TRABD2B: variants seen among roughly 807,000 people sequenced by gnomAD.
TRABD2B encodes TraB domain containing 2B, also known as metalloprotease TIKI2.
Under a neutral mutation model 40.1 loss-of-function variants are expected in TRABD2B, and 14 were observed. That is an observed-to-expected ratio of 0.35 (90% CI 0.23 to 0.55). The LOEUF is 0.55. Ranked by LOEUF, TRABD2B falls within the 20% of genes least tolerant of loss-of-function variation. TRABD2B has a pLI of 0.90. For missense variants in TRABD2B, 541 were observed against 648.6 expected (o/e 0.83, Z 1.80); for synonymous variants, 263 against 277.0 (o/e 0.95, Z 0.50).
At chr1:47,944,946 A>C (rs1305544283) in intron 2 of TRABD2B, among the ~76,000 whole-genome samples, 1 of 152,144 alleles carries the variant, frequency 6.6e-6, no homozygotes, top group Non-Finnish European at 1.5e-5. Flanking sequence ...CTTGGAGTAG[A>C]AAATGAACCC....
rs947926724 is a variant in TRABD2B, at chr1:47,763,845, T to TAA, written c.*2055_*2056dup. 3.1e-4 allele frequency: 47 copies of TAA among 152,358 alleles called. No homozygotes were observed. The highest frequency in any genetic ancestry group is 1.1e-3 in the African/African-American group (44 of 41,578). 9.4% of individuals were successfully genotyped at this position (152,358 alleles called of 1,614,324 possible). A position where few individuals can be genotyped will look rare whatever the true frequency, so the allele number is the denominator to read the frequency against. The stretch of plus-strand genomic sequence containing the variant: ...ATGTCCAACTTCTGAGCCTGCTTTA[T>TAA]AAGTCAGCTAAGCCCCTTCCCGCTC... On this transcript the variant is annotated 3_prime_UTR_variant, in exon 7 of 7. Transcript: ENST00000606738.
intron 2 of TRABD2B, among the ~76,000 whole-genome samples, chr1:47,833,508 A>G (rs891509072): frequency 6.6e-6 from 1 of 152,262 alleles, no homozygotes; most frequent in African/African-American, 2.4e-5. Context: ...AGAGGTTGTC[A>G]GGAGACAGAA....
At chr1:47,918,377 A>G (rs1644857232) in intron 2 of TRABD2B, among the ~76,000 whole-genome samples, 1 of 152,206 alleles carries the variant, frequency 6.6e-6, no homozygotes, top group Admixed American at 6.5e-5. Context: ...GGTGACACAG[A>G]GAATGTGACC....
intron 2 of TRABD2B, among the ~76,000 whole-genome samples, chr1:47,807,357 C>T (rs1349693230): frequency 6.6e-6 from 1 of 152,162 alleles, no homozygotes; most frequent in Non-Finnish European, 1.5e-5. Flanking sequence ...TTAGTATTAC[C>T]ATACCCTGAG....
chr1:47,768,763 G>A (rs1644339602), intron 6 of TRABD2B, among the ~76,000 whole-genome samples: 1 of 152,220 alleles, frequency 6.6e-6, no homozygotes, highest in Admixed American at 6.5e-5. Flanking sequence ...TAATATTTTT[G>A]TGTCTGTGTC....
chr1:47,866,689 C>T (rs1298875915), intron 2 of TRABD2B, among the ~76,000 whole-genome samples: 1 of 152,192 alleles, frequency 6.6e-6, no homozygotes, highest in East Asian at 1.9e-4. Flanking sequence ...CCAGAGGAGG[C>T]CCCTTGGCTG....
At chr1:47,794,397 G>T (rs1175280354) in intron 4 of TRABD2B, among the ~76,000 whole-genome samples, 189 bp downstream of exon 4, 2 of 152,100 alleles carry the variant, frequency 1.3e-5, no homozygotes, top group African/African-American at 2.4e-5. Flanking sequence ...CGTGGGGACC[G>T]TTATGGAAGA....
At chr1:47,822,206 C>T (rs1645121033) in intron 2 of TRABD2B, among the ~76,000 whole-genome samples, 1 of 152,062 alleles carries the variant, frequency 6.6e-6, no homozygotes, top group Non-Finnish European at 1.5e-5. Context: ...TTCAGCTCAC[C>T]CCCGAGGCCT....
intron 2 of TRABD2B, among the ~76,000 whole-genome samples, chr1:47,895,213 A>G (rs1260130566): frequency 6.6e-6 from 1 of 152,160 alleles, no homozygotes; most frequent in Non-Finnish European, 1.5e-5. Flanking sequence ...ACAGAGGATG[A>G]GCGGAGGGGA....
rs938104879 is a variant in TRABD2B at position 47,762,178 on chromosome 1, C to T, written c.*3724G>A. ...GGGGTAGGGAGCAGCATGTGTGAAA[C>T]ATCCTGTCTATTCTAGAGATGACTG... On this transcript the variant is annotated 3_prime_UTR_variant, in exon 7 of 7. Transcript: ENST00000606738. 2 of 152,204 alleles carry T rather than the reference C, an allele frequency of 1.3e-5. No individual in the cohort carries two copies. Among genetic ancestry groups the T allele is most frequent in the African/African-American group, 4.8e-5 (2 of 41,428 alleles). The allele number at this position is 152,204 out of a possible 1,614,324, so 9.4% of individuals were successfully genotyped here. A position where few individuals can be genotyped will look rare whatever the true frequency, so the allele number is the denominator to read the frequency against.
At chr1:47,936,370 A>T (rs1645106684) in intron 2 of TRABD2B, among the ~76,000 whole-genome samples, 1 of 152,152 alleles carries the variant, frequency 6.6e-6, no homozygotes, top group African/African-American at 2.4e-5. Context: ...CTAGGAGCTC[A>T]CAGGGTGCTG....
intron 2 of TRABD2B, among the ~76,000 whole-genome samples, chr1:47,950,120 C>G (rs1645320233): frequency 6.6e-6 from 1 of 152,016 alleles, no homozygotes; most frequent in Non-Finnish European, 1.5e-5. Context: ...CCCATCTCTA[C>G]TAAAAATACA....
chr1:47,815,458 G>C (rs1333076630), intron 2 of TRABD2B, among the ~76,000 whole-genome samples: 1 of 152,248 alleles, frequency 6.6e-6, no homozygotes, highest in South Asian at 2.1e-4. Flanking sequence ...TCCCTGCCCA[G>C]AATCTTCTCA....
intron 6 of TRABD2B, among the ~76,000 whole-genome samples, chr1:47,772,953 T>G (rs1644395861): frequency 6.6e-6 from 1 of 152,248 alleles, no homozygotes; most frequent in South Asian, 2.1e-4. Context: ...GCTCCCTTCT[T>G]GCCAAAGAAA....
intron 2 of TRABD2B, among the ~76,000 whole-genome samples, chr1:47,962,224 G>A (rs572746500): frequency 5.3e-4 from 78 of 146,374 alleles, no homozygotes; most frequent in Middle Eastern, 3.5e-3. Flanking sequence ...GGGGTGGGGG[G>A]ATGGGGGAGG....
chr1:47,959,933 T>C (rs539632074), intron 2 of TRABD2B, among the ~76,000 whole-genome samples: 2 of 152,066 alleles, frequency 1.3e-5, no homozygotes, highest in Admixed American at 1.3e-4. Context: ...TAGACCAATA[T>C]CCCTAATGAA....
At chr1:47,807,914 G>T (rs12060303) in intron 2 of TRABD2B, among the ~76,000 whole-genome samples, 180 of 152,308 alleles carry the variant, frequency 1.2e-3, no homozygotes, top group African/African-American at 4.0e-3. Context: ...ATTCAGTATG[G>T]TTGAAGATGT....
intron 2 of TRABD2B, among the ~76,000 whole-genome samples, chr1:47,970,327 C>T (rs996235454): frequency 1.3e-5 from 2 of 152,030 alleles, no homozygotes; most frequent in Non-Finnish European, 2.9e-5. Context: ...AACCATTTTG[C>T]ACTTATTTTC....
At chr1:47,914,163 C>CCAG (rs2124713714) in intron 2 of TRABD2B, among the ~76,000 whole-genome samples, 1 of 152,360 alleles carries the variant, frequency 6.6e-6, no homozygotes, top group Admixed American at 6.5e-5. Flanking sequence ...GAAATCAATT[C>CCAG]CAGCACCTGG....
Sources: allele counts gnomAD v4.1 joint callset (sites outside exome capture counted in the v4.1 genomes callset), GRCh38; gene constraint gnomAD v4.1.1; transcripts MANE v1.5; gene names NCBI Gene and HGNC (gene_info 2026-07-23, HGNC 2026-07-21).